The following FBLN1 variants were observed in gnomAD, a reference collection of about 807,000 sequenced individuals.
FBLN1 encodes fibulin-1.
A neutral mutation model predicts 89.7 loss-of-function variants in FBLN1; 34 were observed. The observed-to-expected ratio is 0.38, with a 90% CI of 0.29 to 0.50. The LOEUF is 0.50. Ranked by LOEUF, FBLN1 falls within the 20% of genes least tolerant of loss-of-function variation. FBLN1 has a pLI of 0.92. For synonymous variants in FBLN1, 393 were observed against 391.3 expected (o/e 1.00, Z -0.05); for missense variants, 777 against 988.1 (o/e 0.79, Z 2.86).
Position 45,541,833 on chromosome 22 carries a change from C to G in FBLN1, c.1067-322C>G, listed in dbSNP as rs1276491898. Among the ~76,000 whole-genome samples, 4 of 152,234 alleles carry G rather than the reference C, an allele frequency of 2.6e-5. No individual in the cohort carries two copies. The East Asian group carries it at 7.7e-4, about 29-fold the overall frequency. ...CTACGTTCCTTTGGATCCAGGGCAC[C>G]CAGCCTGCCTAGATCCCGCCAGGGA... On this transcript the variant is annotated intron_variant, in intron 9 of 16. Coordinates refer to ENST00000327858, the MANE Select transcript of FBLN1 (RefSeq NM_006486.3).
At position 45,533,768 on chromosome 22, in the gene FBLN1, T is replaced by C. The variant is rs780533565; in HGVS notation, c.654T>C (p.Asn218=). ...LSDGVSCEDV[N]ECITGSHSCR... is the part of the protein sequence containing the mutation. ...TGCCTCGGTCTCTCCTAGATGTCAA[T>C]GAATGCATCACGGGCAGCCACAGCT... The change falls in exon 7 of 17, where the codon AAT becomes AAC. Residue 218 remains asparagine (N), a synonymous_variant. Coordinates refer to ENST00000327858, the MANE Select transcript of FBLN1 (RefSeq NM_006486.3). 3.9e-5 allele frequency: 63 copies of C among 1,612,182 alleles called. 2 individuals carry two copies. In the South Asian group the frequency reaches 6.1e-4, roughly 16 times the overall value.
intron 12 of FBLN1, 126 bp from the exon 13 acceptor site, chr22:45,548,486 TG>T: frequency 7.8e-7 from 1 of 1,281,362 alleles, no homozygotes; most frequent in Non-Finnish European, 1.1e-6. Flanking sequence ...TGAGGCTTCC[TG>T]TGTTCAGCTT....
Position 45,561,909 on chromosome 22 carries a change from G to A in FBLN1, c.1697+11294G>A, listed in dbSNP as rs906777123. ...AGAAAGATGTAGGCTGGGAGGCTAG[G>A]CCAGTCTCTCCTATCACATTTTTCT... On this transcript the variant is annotated intron_variant, in intron 14 of 16. Coordinates refer to ENST00000327858, the MANE Select transcript of FBLN1 (RefSeq NM_006486.3). The surrounding 1 kb of genome is among the most constrained non-coding windows in gnomAD (Gnocchi z 4.7). Among the ~76,000 whole-genome samples the A allele has an allele frequency of 1.3e-5, 2 of 152,148 alleles. No individual in the cohort carries two copies. The highest frequency in any genetic ancestry group is 4.8e-5 in the African/African-American group (2 of 41,428).
rs1405650158 is a variant in FBLN1, at chr22:45,581,044, A to C, written c.1972+3936A>C. ...CTCAGGCCACTACAAAGCTTTCCTT[A>C]TCTGGCTCTGGATTCATTCTCAGCT... On this transcript the variant is annotated intron_variant, in intron 16 of 16. Transcript: ENST00000327858. This position sits in a 1 kb window ranked among gnomAD's most constrained non-coding sequence, Gnocchi z 7.6. Among the ~76,000 whole-genome samples, 1 of 152,200 alleles carries C rather than the reference A, an allele frequency of 6.6e-6. No homozygotes were observed. Among genetic ancestry groups the C allele is most frequent in the Non-Finnish European group, 1.5e-5 (1 of 68,034 alleles).
In FBLN1 at chr22:45,579,874, G is replaced by C. The variant is rs1031242705; in HGVS notation, c.1972+2766G>C. On this transcript the variant is annotated intron_variant, in intron 16 of 16. Transcript: ENST00000327858. The surrounding 1 kb of genome is among the most constrained non-coding windows in gnomAD (Gnocchi z 5.5). ...CATCCTGGGAGCTTCCTGGTCCCTA[G>C]GGGCAGCCATCCCGGCACACGGCTC... 6.6e-6 allele frequency among the ~76,000 whole-genome samples: 1 copy of C among 152,024 alleles called. No individual in the cohort carries two copies. Among genetic ancestry groups the C allele is most frequent in the Non-Finnish European group, 1.5e-5 (1 of 68,008 alleles).
intron 14 of FBLN1, among the ~76,000 whole-genome samples, chr22:45,569,058 C>A (rs530252800): frequency 6.6e-6 from 1 of 152,328 alleles, no homozygotes; most frequent in Non-Finnish European, 1.5e-5. Context: ...GTGACCTCAT[C>A]TTAACTGATT....
chr22:45,536,377 A>G lies in FBLN1; in HGVS notation c.922+1040A>G, dbSNP rs1235574994. Among the ~76,000 whole-genome samples, 1 of 152,152 alleles carries G rather than the reference A, an allele frequency of 6.6e-6. No homozygotes were observed. The highest frequency in any genetic ancestry group is 6.5e-5 in the Admixed American group (1 of 15,274). On this transcript the variant is annotated intron_variant, in intron 8 of 16. Coordinates refer to ENST00000327858, the MANE Select transcript of FBLN1 (RefSeq NM_006486.3). The surrounding 1 kb of genome is among the most constrained non-coding windows in gnomAD (Gnocchi z 5.1). ...GATGGTGGCACGACAGTGTGAATGC[A>G]GTAATGCCCCTGAACCGTCTACTTA... is the stretch of plus-strand genomic sequence containing the variant.
chr22:45,519,634 A>T (rs1475307069), intron 2 of FBLN1, among the ~76,000 whole-genome samples: 1 of 151,764 alleles, frequency 6.6e-6, no homozygotes, highest in Non-Finnish European at 1.5e-5. Flanking sequence ...CAAAAAAAAA[A>T]AAAAAAAGGA....
intron 16 of FBLN1, among the ~76,000 whole-genome samples, chr22:45,589,523 T>C (rs1238729955): frequency 6.6e-6 from 1 of 152,234 alleles, no homozygotes; most frequent in Non-Finnish European, 1.5e-5. Context: ...GGACGTGGCC[T>C]TGCTCCAGCC....
rs1244556293 is a variant in FBLN1, at chr22:45,581,859, G to A, written c.1972+4751G>A. Among the ~76,000 whole-genome samples, 1 of 152,128 alleles carries A rather than the reference G, an allele frequency of 6.6e-6. No individual in the cohort carries two copies. The highest frequency in any genetic ancestry group is 2.4e-5 in the African/African-American group (1 of 41,412). On this transcript the variant is annotated intron_variant, in intron 16 of 16. Coordinates refer to ENST00000327858, the MANE Select transcript of FBLN1 (RefSeq NM_006486.3). This position sits in a 1 kb window ranked among gnomAD's most constrained non-coding sequence, Gnocchi z 7.6. ...GAGCCAGGAAGGGAGGGCACAGCCT[G>A]CGGTTTGGGGCTGCTGGAGCATCCA...
At chr22:45,565,027 AC>A in intron 14 of FBLN1, 1 of 1,612,184 alleles carries the variant, frequency 6.2e-7, no homozygotes, top group Non-Finnish European at 8.5e-7. Flanking sequence ...AGTCAGCTCC[AC>A]ACCTTGCGCT....
Position 45,575,441 on chromosome 22 carries a change from G to C in FBLN1, c.1840+788G>C, listed in dbSNP as rs1350827580. On this transcript the variant is annotated intron_variant, in intron 15 of 16. Coordinates refer to ENST00000327858, the MANE Select transcript of FBLN1 (RefSeq NM_006486.3). The surrounding 1 kb of genome is among the most constrained non-coding windows in gnomAD (Gnocchi z 6.3). ...TTTCTGCTGGAGCGCTAGAGGCTTG[G>C]CAAGAGGTGGGCTGGAAGGATAAAC... Among the ~76,000 whole-genome samples the C allele has an allele frequency of 1.3e-5, 2 of 152,144 alleles. No homozygotes were observed. Among genetic ancestry groups the C allele is most frequent in the Non-Finnish European group, 2.9e-5 (2 of 68,020 alleles).
At chr22:45,555,293 AATGGAATATATAT>A (rs1258731522) in intron 14 of FBLN1, among the ~76,000 whole-genome samples, 6 of 145,960 alleles carry the variant, frequency 4.1e-5, no homozygotes, top group East Asian at 2.0e-4. Context: ...ATATATATAA[AATGGAATATATAT>A]ATGGAATATA....
At chr22:45,525,793 T>C (rs2088319224) in intron 3 of FBLN1, 115 bp downstream of exon 3, 4 of 1,385,952 alleles carry the variant, frequency 2.9e-6, no homozygotes, top group East Asian at 2.5e-5. Flanking sequence ...CCACCTTTCT[T>C]TGTGAGCAGC....
intron 2 of FBLN1, among the ~76,000 whole-genome samples, chr22:45,520,972 C>T (rs1299169546): frequency 6.6e-6 from 1 of 152,122 alleles, no homozygotes; most frequent in Non-Finnish European, 1.5e-5. Flanking sequence ...CACACTACCA[C>T]ACCAGGCTAA....
At chr22:45,598,895 A>G (rs1381121355) in intron 16 of FBLN1, among the ~76,000 whole-genome samples, 1 of 152,216 alleles carries the variant, frequency 6.6e-6, no homozygotes, top group Non-Finnish European at 1.5e-5. Context: ...CTAGGCCTCA[A>G]AAGGGCCTCA....
chr22:45,554,089 C>T (rs939366650), intron 14 of FBLN1, among the ~76,000 whole-genome samples: 4 of 152,216 alleles, frequency 2.6e-5, no homozygotes, highest in Non-Finnish European at 5.9e-5. Context: ...CGACACACCA[C>T]GGAGCTATCA....
Position 45,531,473 on chromosome 22 carries a change from C to T in FBLN1, c.544+149C>T. The T allele has an allele frequency of 1.4e-6, 1 of 709,624 alleles. No homozygotes were observed. Among genetic ancestry groups the T allele is most frequent in the Middle Eastern group, 3.6e-4 (1 of 2,742 alleles). 44.0% of individuals were successfully genotyped at this position (709,624 alleles called of 1,614,324 possible). On this transcript the variant is annotated intron_variant, in intron 5 of 16. Transcript: ENST00000327858. The surrounding 1 kb of genome is among the most constrained non-coding windows in gnomAD (Gnocchi z 4.9). ...AGGTTGTGGCTGCAGTGAGCTATGA[C>T]TGCACCTTTGCACTCTAGCCTGGGC...
intron 14 of FBLN1, among the ~76,000 whole-genome samples, chr22:45,570,319 C>CAAAAAAA (rs761469854): frequency 1.5e-3 from 54 of 36,382 alleles, no homozygotes; most frequent in African/African-American, 3.8e-3. Flanking sequence ...GACTCTGTCT[C>CAAAAAAA]AAAAAAAAAA....
Sources: allele counts gnomAD v4.1 joint callset (sites outside exome capture counted in the v4.1 genomes callset), GRCh38; gene constraint gnomAD v4.1.1; non-coding constraint Gnocchi (gnomAD v3.1); transcripts MANE v1.5; gene names NCBI Gene and HGNC (gene_info 2026-07-23, HGNC 2026-07-21).